The following CEP78 variants were observed in gnomAD, a reference collection of about 807,000 sequenced individuals.
CEP78 encodes centrosomal protein of 78 kDa.
CEP78 carries 76 observed loss-of-function variants against 81.2 expected under a neutral mutation model. That is an observed-to-expected ratio of 0.94 (90% CI 0.78 to 1.13). CEP78 has a LOEUF of 1.13. Among genes scored for constraint, CEP78 ranks in the 50% most tolerant of loss-of-function variants. CEP78 has a pLI of 0.00. For synonymous variants in CEP78, 293 were observed against 301.4 expected (o/e 0.97, Z 0.29); for missense variants, 918 against 846.8 (o/e 1.08, Z -1.04).
chr9:78,236,220 C>T lies in CEP78; in HGVS notation c.-131C>T, dbSNP rs1413555488. ...GCGTCTTCCGACCGAATCACCGCTC[C>T]TGAGCCCGGTGCGGGGCTGCCGCTA... is the stretch of plus-strand genomic sequence containing the variant. On this transcript the variant is annotated 5_prime_UTR_variant, in exon 1 of 17. Transcript: ENST00000643273. 6 of 794,112 alleles carry T rather than the reference C, an allele frequency of 7.6e-6. No homozygotes were observed. The East Asian group carries it at 1.7e-4, about 23-fold the overall frequency. 49.2% of individuals were successfully genotyped at this position (794,112 alleles called of 1,614,324 possible). A position where few individuals can be genotyped will look rare whatever the true frequency, so the allele number is the denominator to read the frequency against.
At chr9:78,250,154 A>G (rs1052724904) in intron 8 of CEP78, 5 of 397,508 alleles carry the variant, frequency 1.3e-5, no homozygotes, top group Non-Finnish European at 2.2e-5. Context: ...TAGCATGATT[A>G]AAGAAATTGG....
At chr9:78,266,165 G>A (rs1827518817) in intron 15 of CEP78, among the ~76,000 whole-genome samples, 1 of 151,958 alleles carries the variant, frequency 6.6e-6, no homozygotes. Context: ...TAGAGGATAG[G>A]AAAGATACTA....
chr9:78,265,629 C>A, intron 14 of CEP78, 86 bp downstream of exon 14: 2 of 1,269,870 alleles, frequency 1.6e-6, no homozygotes, highest in Non-Finnish European at 2.2e-6. Flanking sequence ...GAATAATGAT[C>A]TGTGCACATG....
rs2118557651 is a variant in CEP78 at position 78,276,111 on chromosome 9, A to G, written c.*5260A>G. 1 of 152,352 alleles carries G rather than the reference A, an allele frequency of 6.6e-6. No homozygotes were observed. The highest frequency in any genetic ancestry group is 3.4e-3 in the Middle Eastern group (1 of 294). 9.4% of individuals were successfully genotyped at this position (152,352 alleles called of 1,614,324 possible). On this transcript the variant is annotated 3_prime_UTR_variant, in exon 17 of 17. Coordinates refer to ENST00000643273, the MANE Select transcript of CEP78 (RefSeq NM_001330691.3). ...AGGAAAACTAAACCAAATTCAATTA[A>G]TGTAGGTGCAAAAAATCCAAAATAA...
Position 78,266,837 on chromosome 9 carries a change from T to G in CEP78, c.2107+134T>G. 2.1e-6 allele frequency: 3 copies of G among 1,459,140 alleles called. No individual in the cohort carries two copies. In the South Asian group the frequency reaches 4.5e-5, roughly 22 times the overall value. The allele number at this position is 1,459,140 out of a possible 1,614,324, so 90.4% of individuals were successfully genotyped here. On this transcript the variant is annotated intron_variant, in intron 16 of 16. Transcript: ENST00000643273. ...CTTTGGTTAATGAACCAATTAAAAG[T>G]AGGTCTTTGAAAAAATACGTTTCTG...
chr9:78,237,907 C>T (rs905672523), intron 1 of CEP78, among the ~76,000 whole-genome samples: 5 of 140,666 alleles, frequency 3.6e-5, no homozygotes, highest in Non-Finnish European at 6.0e-5. Context: ...GTCAGGAGTT[C>T]GAGACCAGGC....
intron 10 of CEP78, among the ~76,000 whole-genome samples, chr9:78,254,253 A>G (rs1311019909): frequency 6.6e-6 from 1 of 152,082 alleles, no homozygotes; most frequent in Non-Finnish European, 1.5e-5. Flanking sequence ...TATTTTGTAG[A>G]GACAGGGTCT....
In CEP78 at chr9:78,236,347, G is replaced by A. The variant is rs1161592367; in HGVS notation, c.-4G>A. The A allele has an allele frequency of 1.1e-5, 18 of 1,567,294 alleles. No homozygotes were observed. The highest frequency in any genetic ancestry group is 1.5e-5 in the Non-Finnish European group (18 of 1,161,522). On this transcript the variant is annotated 5_prime_UTR_variant, in exon 1 of 17. Coordinates refer to ENST00000643273, the MANE Select transcript of CEP78 (RefSeq NM_001330691.3). ...CGGGCATCCCCCGAGGCCGCCCTCG[G>A]GCCATGATCGACTCCGTGAAGCTGC...
chr9:78,238,460 A>G (rs1826066059), intron 1 of CEP78, among the ~76,000 whole-genome samples: 1 of 152,208 alleles, frequency 6.6e-6, no homozygotes, highest in African/African-American at 2.4e-5. Context: ...AAGAAGATCC[A>G]GATAATTGTA....
Position 78,248,874 on chromosome 9 carries a change from G to T in CEP78, c.1069+1G>T, listed in dbSNP as rs1280091554. ...AAAGGAAAAGCTACTATTAGAATTG[G>T]TAACCTTTTCTGTCTTGGCTTTTTA... On this transcript the variant is annotated splice_donor_variant, in intron 8 of 16. Coordinates refer to ENST00000643273, the MANE Select transcript of CEP78 (RefSeq NM_001330691.3). LOFTEE classifies it high-confidence loss of function. 1 of 1,495,270 alleles carries T rather than the reference G, an allele frequency of 6.7e-7. No individual in the cohort carries two copies. Among genetic ancestry groups the T allele is most frequent in the Admixed American group, 1.9e-5 (1 of 52,346 alleles). 92.6% of individuals were successfully genotyped at this position (1,495,270 alleles called of 1,614,324 possible). A position where few individuals can be genotyped will look rare whatever the true frequency, so the allele number is the denominator to read the frequency against.
intron 3 of CEP78, 103 bp downstream of exon 3, chr9:78,240,467 C>A: frequency 2.1e-6 from 2 of 956,014 alleles, no homozygotes; most frequent in South Asian, 1.4e-5. Flanking sequence ...ACTACTGCCT[C>A]ATATGCTTGT....
rs929475663 is a variant in CEP78 at position 78,274,340 on chromosome 9, AG to A, written c.*3490del. On this transcript the variant is annotated 3_prime_UTR_variant, in exon 17 of 17. Coordinates refer to ENST00000643273, the MANE Select transcript of CEP78 (RefSeq NM_001330691.3). The stretch of plus-strand genomic sequence containing the variant: ...TGGGGTTGGGAGGAGTTGATTACAA[AG>A]AGGCTGTACAAGGGAGTTTGTTTGT... 6.6e-6 allele frequency: 1 copy of A among 152,222 alleles called. No individual in the cohort carries two copies. The highest frequency in any genetic ancestry group is 1.5e-5 in the Non-Finnish European group (1 of 68,112). 9.4% of individuals were successfully genotyped at this position (152,222 alleles called of 1,614,324 possible).
intron 6 of CEP78, among the ~76,000 whole-genome samples, chr9:78,247,419 A>G (rs907339854): frequency 6.6e-6 from 1 of 152,080 alleles, no homozygotes; most frequent in African/African-American, 2.4e-5. Flanking sequence ...ATGTAGTTAC[A>G]TAGGTGGCAG....
intron 11 of CEP78, among the ~76,000 whole-genome samples, chr9:78,261,624 A>G (rs1486358243): frequency 6.6e-6 from 1 of 152,214 alleles, no homozygotes; most frequent in Non-Finnish European, 1.5e-5. Context: ...AGGGAGAAAC[A>G]ATTTCATGTA....
chr9:78,240,582 A>G (rs1215116519), intron 3 of CEP78, among the ~76,000 whole-genome samples: 1 of 152,180 alleles, frequency 6.6e-6, no homozygotes, highest in Admixed American at 6.5e-5. Flanking sequence ...CCACACAAAT[A>G]TATACCATCT....
Position 78,278,957 on chromosome 9 carries a change from T to A in CEP78, c.*8106T>A, listed in dbSNP as rs1438050609. ...CCCTGTGACTGAGGTGCTCAGAAGG[T>A]ATGGCTGGCTGCTCACAAAGGCACA... On this transcript the variant is annotated 3_prime_UTR_variant, in exon 17 of 17. Coordinates refer to ENST00000643273, the MANE Select transcript of CEP78 (RefSeq NM_001330691.3). 6.6e-6 allele frequency: 1 copy of A among 151,640 alleles called. No individual in the cohort carries two copies. Among genetic ancestry groups the A allele is most frequent in the Non-Finnish European group, 1.5e-5 (1 of 68,010 alleles). 9.4% of individuals were successfully genotyped at this position (151,640 alleles called of 1,614,324 possible). A position where few individuals can be genotyped will look rare whatever the true frequency, so the allele number is the denominator to read the frequency against.
intron 11 of CEP78, among the ~76,000 whole-genome samples, chr9:78,256,793 T>C (rs1332676565): frequency 6.6e-6 from 1 of 152,022 alleles, no homozygotes; most frequent in African/African-American, 2.4e-5. Flanking sequence ...ACAAAAATAC[T>C]TTAAGAAAAA....
intron 1 of CEP78, among the ~76,000 whole-genome samples, chr9:78,237,183 G>C (rs571346612): frequency 6.6e-4 from 100 of 151,792 alleles, no homozygotes; most frequent in African/African-American, 2.2e-3. Flanking sequence ...GTTTCACCAT[G>C]TTAGCCAGGC....
intron 12 of CEP78, among the ~76,000 whole-genome samples, chr9:78,263,869 T>C (rs1371066128): frequency 6.6e-6 from 1 of 152,140 alleles, no homozygotes; most frequent in Non-Finnish European, 1.5e-5. Context: ...AAACAGCTAA[T>C]TTTTAAATAT....
Sources: gnomAD v4.1 joint callset for allele counts (sites outside exome capture counted in the v4.1 genomes callset) on GRCh38, gnomAD v4.1.1 for gene constraint, MANE v1.5 for transcripts, NCBI Gene and HGNC (gene_info 2026-07-23, HGNC 2026-07-21) for gene names.